EGFLAM: variants seen among roughly 807,000 people sequenced by gnomAD.
EGFLAM encodes EGF like, fibronectin type III and laminin G domains, also known as pikachurin.
Under a neutral mutation model 113.1 loss-of-function variants are expected in EGFLAM, and 79 were observed. The ratio of observed to expected loss-of-function variants is 0.70; its 90% CI spans 0.58 to 0.84. EGFLAM has a LOEUF of 0.84. Among genes scored for constraint, EGFLAM ranks in the 40% least tolerant of loss-of-function variants. The probability of loss-of-function intolerance (pLI) is 0.00; values close to 1 mark genes in which losing one functional copy is unlikely to be tolerated. For synonymous variants in EGFLAM, 504 were observed against 487.6 expected (o/e 1.03, Z -0.44); for missense variants, 1,265 against 1,291.6 (o/e 0.98, Z 0.32).
chr5:38,408,982 G>A (rs1374010854), intron 9 of EGFLAM, 22 bp from the exon 10 acceptor site: 3 of 1,563,678 alleles, frequency 1.9e-6, no homozygotes, highest in Non-Finnish European at 2.6e-6. Flanking sequence ...TGTTCATGTG[G>A]CTTTTGTTTG....
rs1176724159 is a variant in EGFLAM at position 38,412,606 on chromosome 5, G to A, written c.1452G>A (p.Leu484=). The change falls in exon 11 of 22, where the codon CTG becomes CTA. Residue 484 remains leucine (L), a synonymous_variant. Transcript: ENST00000322350. ...TCTACAGAGATGGGCTGAACGGGCTGCTGCAGCTGAACAATGGCACCCCAG... is the reference window on the plus strand; with the variant it reads ...TCTACAGAGATGGGCTGAACGGGCTACTGCAGCTGAACAATGGCACCCCAG... ...VMLYRDGLNG[L]LQLNNGTPVT... 1.2e-6 allele frequency: 2 copies of A among 1,614,044 alleles called. No individual in the cohort carries two copies. The highest frequency in any genetic ancestry group is 2.2e-5 in the East Asian group (1 of 44,890).
intron 1 of EGFLAM, among the ~76,000 whole-genome samples, chr5:38,273,701 A>G (rs76367247): frequency 6.6e-6 from 1 of 152,330 alleles, no homozygotes; most frequent in Non-Finnish European, 1.5e-5. Flanking sequence ...CCTGCCCAAA[A>G]TCTCTAGATA....
At chr5:38,352,772 A>G (rs2561109) in intron 5 of EGFLAM, among the ~76,000 whole-genome samples, 59,445 of 151,912 alleles carry the variant, frequency 0.39, 13,190 homozygotes, top group African/African-American at 0.62. Context: ...TTGGAAGCCC[A>G]TGTATATACT....
intron 16 of EGFLAM, among the ~76,000 whole-genome samples, chr5:38,436,521 C>T (rs1331761081): frequency 1.3e-5 from 2 of 152,158 alleles, no homozygotes; most frequent in African/African-American, 2.4e-5. Context: ...TCTGTGATAC[C>T]TCAGTTCAGA....
chr5:38,449,453 C>T (rs1390564654), intron 18 of EGFLAM, among the ~76,000 whole-genome samples: 1 of 152,204 alleles, frequency 6.6e-6, no homozygotes, highest in Non-Finnish European at 1.5e-5. Flanking sequence ...AGAGACCGTC[C>T]TCCTTCTTCA....
At chr5:38,338,817 A>C (rs752004553) in intron 3 of EGFLAM, 36 bp downstream of exon 3, 28 of 1,573,558 alleles carry the variant, frequency 1.8e-5, no homozygotes, top group Non-Finnish European at 5.2e-6. Context: ...ACTCAAAAGC[A>C]TGTGGGCACT....
chr5:38,275,758 G>A (rs1469871745), intron 1 of EGFLAM, among the ~76,000 whole-genome samples: 2 of 152,128 alleles, frequency 1.3e-5, no homozygotes, highest in Non-Finnish European at 2.9e-5. Flanking sequence ...AACAGTTGCA[G>A]AATACACAAT....
At chr5:38,391,785 CT>C (rs544718331) in intron 6 of EGFLAM, among the ~76,000 whole-genome samples, 1 of 151,434 alleles carries the variant, frequency 6.6e-6, no homozygotes, top group African/African-American at 2.4e-5. Context: ...AATGCCTTTT[CT>C]TTTTTTTGCA....
intron 18 of EGFLAM, among the ~76,000 whole-genome samples, chr5:38,450,563 T>C (rs73077407): frequency 0.038 from 4,039 of 105,176 alleles, 156 homozygotes; most frequent in African/African-American, 0.14. Context: ...TATCTCACCC[T>C]TGATTCAAGG....
At chr5:38,436,664 G>T (rs907075574) in intron 16 of EGFLAM, among the ~76,000 whole-genome samples, 1 of 152,072 alleles carries the variant, frequency 6.6e-6, no homozygotes, top group Non-Finnish European at 1.5e-5. Flanking sequence ...TCCCCTTCAC[G>T]CAGCACACAC....
chr5:38,416,175 T>A (rs1330388121), intron 11 of EGFLAM, among the ~76,000 whole-genome samples: 1 of 152,146 alleles, frequency 6.6e-6, no homozygotes, highest in Non-Finnish European at 1.5e-5. Context: ...GGACCACAGA[T>A]GTGGCTGTTT....
chr5:38,403,784 A>G, intron 6 of EGFLAM: 2 of 1,608,008 alleles, frequency 1.2e-6, no homozygotes, highest in Non-Finnish European at 1.7e-6. Context: ...TGCTTGCTGT[A>G]CAAAGATAGA....
chr5:38,363,964 A>G (rs1739994796), intron 5 of EGFLAM, among the ~76,000 whole-genome samples: 1 of 152,238 alleles, frequency 6.6e-6, no homozygotes, highest in African/African-American at 2.4e-5. Context: ...GAGGTTAAAC[A>G]GTACCTAAAT....
chr5:38,407,909 A>G lies in EGFLAM; in HGVS notation c.1248+4A>G, dbSNP rs760100918. ...TCAAATTACTCTTGAATTTAGGGTA[A>G]GAGGGATGTGTTGTTTGATGAGTGC... On this transcript the variant is annotated splice_donor_region_variant and intron_variant, in intron 9 of 21. Transcript: ENST00000322350. 6.3e-7 allele frequency: 1 copy of G among 1,599,990 alleles called. No individual in the cohort carries two copies. The highest frequency in any genetic ancestry group is 1.3e-5 in the African/African-American group (1 of 74,574).
chr5:38,293,669 T>C (rs1261149691), intron 1 of EGFLAM, among the ~76,000 whole-genome samples: 1 of 152,246 alleles, frequency 6.6e-6, no homozygotes, highest in Non-Finnish European at 1.5e-5. Flanking sequence ...TATAGGGTTA[T>C]ATATTGCATT....
chr5:38,337,155 G>A (rs6860993), intron 1 of EGFLAM, among the ~76,000 whole-genome samples: 22,953 of 152,180 alleles, frequency 0.15, 2,037 homozygotes, highest in African/African-American at 0.24. Context: ...ATGCTATTGA[G>A]TAAATACAAA....
intron 21 of EGFLAM, among the ~76,000 whole-genome samples, chr5:38,463,334 T>G (rs961581227): frequency 6.6e-6 from 1 of 152,264 alleles, no homozygotes; most frequent in Non-Finnish European, 1.5e-5. Context: ...CCTTGCAGAA[T>G]AGAATGACTA....
At chr5:38,463,811 C>T in intron 21 of EGFLAM, 21 bp from the exon 22 acceptor site, 1 of 1,610,484 alleles carries the variant, frequency 6.2e-7, no homozygotes, top group Non-Finnish European at 8.5e-7. Context: ...CTCACCTCAT[C>T]TCCCTCTTGC....
At position 38,350,525 on chromosome 5, in the gene EGFLAM, C is replaced by G. The variant is rs1433555648; in HGVS notation, c.316C>G (p.Pro106Ala). 2.5e-6 allele frequency: 4 copies of G among 1,613,746 alleles called. No individual in the cohort carries two copies. Among genetic ancestry groups the G allele is most frequent in the South Asian group, 1.1e-5 (1 of 90,986 alleles). ...GGAGGAAGTGATTGGAGATTTGAAA[C>G]CAGGCACTGAATATCGTGTGAGCAT... is the stretch of plus-strand genomic sequence containing the variant. ...TTEEVIGDLK[P>A]GTEYRVSIAA... The change falls in exon 4 of 22, where the codon CCA (proline) becomes GCA (alanine). Residue 106 changes from proline to alanine, a missense_variant. Transcript: ENST00000322350.
Sources: allele counts gnomAD v4.1 joint callset (sites outside exome capture counted in the v4.1 genomes callset), GRCh38; gene constraint gnomAD v4.1.1; transcripts MANE v1.5; gene names NCBI Gene and HGNC (gene_info 2026-07-23, HGNC 2026-07-21).